Variants in NEDD8 observed in about 807,000 individuals in gnomAD.
NEDD8 encodes ubiquitin-like protein NEDD8.
Under a neutral mutation model 13.8 loss-of-function variants are expected in NEDD8, and 1 was observed. The observed-to-expected ratio is 0.07, with a 90% CI of 0.03 to 0.34. The LOEUF is 0.34. Among genes scored for constraint, NEDD8 ranks in the 10% least tolerant of loss-of-function variants. The pLI is 0.99. For missense variants in NEDD8, 10 were observed against 95.2 expected (o/e 0.10, Z 3.73); for synonymous variants, 31 against 33.2 (o/e 0.93, Z 0.23).
chr14:24,221,600 A>G (rs1034997272), intron 1 of NEDD8, among the ~76,000 whole-genome samples: 1 of 151,176 alleles, frequency 6.6e-6, no homozygotes, highest in Non-Finnish European at 1.5e-5. Context: ...ATTTTTATTT[A>G]TTTATTTATT....
intron 1 of NEDD8, among the ~76,000 whole-genome samples, chr14:24,230,161 A>G (rs2039967275): frequency 6.7e-6 from 1 of 148,934 alleles, no homozygotes; most frequent in Admixed American, 6.8e-5. Flanking sequence ...CCTGTGTAAT[A>G]TACATATAAA....
intron 1 of NEDD8, chr14:24,226,620 G>A (rs2039895997): frequency 6.6e-6 from 1 of 152,050 alleles, no homozygotes; most frequent in African/African-American, 2.4e-5. Flanking sequence ...TAGATATAGT[G>A]TTTTAATTTA....
intron 1 of NEDD8, 155 bp downstream of exon 1, chr14:24,232,095 T>G (rs2040049256): frequency 2.5e-6 from 3 of 1,182,464 alleles, no homozygotes; most frequent in Non-Finnish European, 3.5e-6. Context: ...CCCTTCTGGG[T>G]CCCCCTATTT....
chr14:24,221,355 C>T lies in NEDD8; in HGVS notation c.19-2924G>A, dbSNP rs976542909. Among the ~76,000 whole-genome samples the T allele has an allele frequency of 2.7e-5, 4 of 150,746 alleles. No individual in the cohort carries two copies. In the East Asian group the frequency reaches 7.8e-4, roughly 29 times the overall value. On this transcript the variant is annotated intron_variant, in intron 1 of 3. Coordinates refer to ENST00000250495, the MANE Select transcript of NEDD8 (RefSeq NM_006156.3). Reference sequence around the variant, plus strand: ...GGAGTGCAATGGTGCAATCATGGCTCACCGCAGCCTCGACATACTGGGCTC... The same window carrying T: ...GGAGTGCAATGGTGCAATCATGGCTTACCGCAGCCTCGACATACTGGGCTC...
intron 1 of NEDD8, among the ~76,000 whole-genome samples, chr14:24,229,452 T>TGA (rs1350863391): frequency 2.6e-5 from 4 of 152,292 alleles, no homozygotes; most frequent in Non-Finnish European, 4.4e-5. Context: ...ACTCCTGACC[T>TGA]CGTGATCCGC....
chr14:24,227,844 C>A (rs1396158331), intron 1 of NEDD8: 9 of 152,208 alleles, frequency 5.9e-5, no homozygotes, highest in African/African-American at 2.2e-4. Context: ...CCTGTAATCC[C>A]AGCACTTCGG....
Position 24,229,932 on chromosome 14 carries a change from G to C in NEDD8, c.18+2318C>G, listed in dbSNP as rs766095409. ...CTAAAAATACAAAAATTAGCTGGGC[G>C]TGGTGGCACACCCTGTAGTCCCAGC... On this transcript the variant is annotated intron_variant, in intron 1 of 3. Coordinates refer to ENST00000250495, the MANE Select transcript of NEDD8 (RefSeq NM_006156.3). 2.0e-5 allele frequency among the ~76,000 whole-genome samples: 3 copies of C among 152,056 alleles called. No individual in the cohort carries two copies. The East Asian group carries it at 5.9e-4, about 30-fold the overall frequency.
chr14:24,231,980 G>A (rs551883191), intron 1 of NEDD8: 3 of 485,268 alleles, frequency 6.2e-6, no homozygotes, highest in South Asian at 6.3e-5. Context: ...AGTGAGACCC[G>A]ACAAAAGCGA....
intron 1 of NEDD8, among the ~76,000 whole-genome samples, chr14:24,221,816 G>C (rs1176476796): frequency 1.3e-5 from 2 of 151,924 alleles, no homozygotes; most frequent in South Asian, 4.2e-4. Flanking sequence ...GGCTGGTCTT[G>C]AACTCCCGAC....
Position 24,217,230 on chromosome 14 carries a change from G to T in NEDD8, c.150-7C>A. 1 of 1,603,084 alleles carries T rather than the reference G, an allele frequency of 6.2e-7. No homozygotes were observed. ...TGCTGTCTTCTCATCATTCCTGCAG[G>T]AAAAGGAAGCCAGAAAAAAAAGAAA... On this transcript the variant is annotated splice_polypyrimidine_tract_variant and splice_region_variant and intron_variant, in intron 3 of 3. Coordinates refer to ENST00000250495, the MANE Select transcript of NEDD8 (RefSeq NM_006156.3).
chr14:24,220,195 G>C (rs28435365), intron 1 of NEDD8, among the ~76,000 whole-genome samples: 5,462 of 152,266 alleles, frequency 0.036, 210 homozygotes, highest in African/African-American at 0.1. Context: ...ACCAATTACA[G>C]CTAGTTGTTT....
At chr14:24,231,917 G>A (rs1436187412) in intron 1 of NEDD8, 1 of 322,040 alleles carries the variant, frequency 3.1e-6, no homozygotes, top group African/African-American at 2.1e-5. Flanking sequence ...TCTGAGAGAC[G>A]GGGGAGTCAA....
At chr14:24,227,448 T>C (rs1467772499) in intron 1 of NEDD8, 1 of 152,166 alleles carries the variant, frequency 6.6e-6, no homozygotes, top group Non-Finnish European at 1.5e-5. Context: ...GAAAACCTGG[T>C]TGGATGTATT....
At chr14:24,220,800 T>C (rs751685619) in intron 1 of NEDD8, among the ~76,000 whole-genome samples, 6 of 152,232 alleles carry the variant, frequency 3.9e-5, no homozygotes, top group Non-Finnish European at 8.8e-5. Context: ...CCAGATTCCC[T>C]GGTCCCAGAG....
intron 1 of NEDD8, chr14:24,228,821 A>G (rs528982711): frequency 6.6e-6 from 1 of 151,518 alleles, no homozygotes; most frequent in East Asian, 1.9e-4. Context: ...TTTTCTTCAG[A>G]TCAGATTAAC....
At chr14:24,225,362 AAG>A (rs962991163) in intron 1 of NEDD8, among the ~76,000 whole-genome samples, 3 of 152,270 alleles carry the variant, frequency 2.0e-5, no homozygotes, top group South Asian at 2.1e-4. Context: ...TTAATAAAAA[AAG>A]AGAGAGAGAC....
intron 1 of NEDD8, 134 bp from the exon 2 acceptor site, chr14:24,218,565 G>T: frequency 8.0e-7 from 1 of 1,254,832 alleles, no homozygotes; most frequent in Non-Finnish European, 1.1e-6. Context: ...CTGCTTTGGA[G>T]AATGAGAAGG....
rs1458735298 is a variant in NEDD8 at position 24,220,670 on chromosome 14, A to G, written c.19-2239T>C. On this transcript the variant is annotated intron_variant, in intron 1 of 3. Coordinates refer to ENST00000250495, the MANE Select transcript of NEDD8 (RefSeq NM_006156.3). ...TAACTATGATCAGCATCTTACATGC[A>G]TCACATTTAATCCTCCCAGTATTTA... Among the ~76,000 whole-genome samples, 5 of 152,250 alleles carry G rather than the reference A, an allele frequency of 3.3e-5. No homozygotes were observed. In the East Asian group the frequency reaches 9.6e-4, roughly 29 times the overall value.
chr14:24,228,014 T>C (rs150699878), intron 1 of NEDD8: 2,600 of 152,366 alleles, frequency 0.017, 71 homozygotes, highest in African/African-American at 0.056. Flanking sequence ...GAGGATCCCT[T>C]GAGCCTGGGA....
Sources: allele counts gnomAD v4.1 joint callset (sites outside exome capture counted in the v4.1 genomes callset), GRCh38; gene constraint gnomAD v4.1.1; transcripts MANE v1.5; gene names NCBI Gene and HGNC (gene_info 2026-07-23, HGNC 2026-07-21).